ACSL3: variants seen among roughly 807,000 people sequenced by gnomAD.
ACSL3 encodes fatty acid CoA ligase Acsl3.
In ACSL3, 34 loss-of-function variants were observed where a neutral mutation model predicts 84.7. The observed-to-expected ratio is 0.40, with a 90% CI of 0.31 to 0.53. The LOEUF (loss-of-function observed/expected upper bound fraction) is 0.53, where lower values mean the gene tolerates loss of function less well. Among genes scored for constraint, ACSL3 ranks in the 20% least tolerant of loss-of-function variants. The pLI is 0.48. For missense variants in ACSL3, 680 were observed against 873.1 expected (o/e 0.78, Z 2.79); for synonymous variants, 315 against 299.4 (o/e 1.05, Z -0.54).
In ACSL3 at chr2:222,938,483, T is replaced by G. The variant is rs1186939018; in HGVS notation, c.2006-3014T>G. On this transcript the variant is annotated intron_variant, in intron 16 of 16. Transcript: ENST00000357430. ...TTCAGTATTTTGAATACTACTATTT[T>G]CTAACCTGCCAGTTTTCTGCTGATA... 2.0e-5 allele frequency among the ~76,000 whole-genome samples: 3 copies of G among 152,324 alleles called. No homozygotes were observed. In the East Asian group the frequency reaches 5.8e-4, roughly 29 times the overall value.
intron 3 of ACSL3, among the ~76,000 whole-genome samples, chr2:222,905,750 G>T (rs1250032950): frequency 6.6e-6 from 1 of 152,188 alleles, no homozygotes; most frequent in Non-Finnish European, 1.5e-5. Flanking sequence ...CAGAGCCTGA[G>T]GCTCAGTTGG....
chr2:222,891,829 A>C (rs1695851351), intron 2 of ACSL3, among the ~76,000 whole-genome samples: 1 of 152,216 alleles, frequency 6.6e-6, no homozygotes, highest in African/African-American at 2.4e-5. Context: ...TTCTGAGGTT[A>C]AAATAAATAT....
chr2:222,875,844 A>T (rs1037931471), intron 1 of ACSL3, among the ~76,000 whole-genome samples: 1 of 151,946 alleles, frequency 6.6e-6, no homozygotes, highest in Non-Finnish European at 1.5e-5. Flanking sequence ...TTTTTTGATG[A>T]TGTTTCTTTT....
intron 1 of ACSL3, among the ~76,000 whole-genome samples, chr2:222,864,236 G>A (rs578186691): frequency 1.3e-5 from 2 of 152,308 alleles, no homozygotes; most frequent in African/African-American, 4.8e-5. Context: ...CTTTAGTTTT[G>A]GAAGTGTTCA....
chr2:222,921,343 C>T lies in ACSL3; in HGVS notation c.869C>T (p.Ser290Phe). The change falls in exon 8 of 17, where the codon TCC (serine) becomes TTC (phenylalanine). Residue 290 changes from serine (S) to phenylalanine (F), a missense_variant. By Grantham distance (155) the Ser-to-Phe change is radical (BLOSUM62 -2). Around this residue, in one of 2 missense-constraint regions of ACSL3, gnomAD observed 347 missense variants for 525.7 expected, o/e 0.66. Coordinates refer to ENST00000357430, the MANE Select transcript of ACSL3 (RefSeq NM_004457.5). ...DIAVIMYTSGSTGLPKGVMIS... is the reference protein window; with the variant it reads ...DIAVIMYTSGFTGLPKGVMIS... Reference sequence around the variant, plus strand: ...GCAGTAATCATGTACACAAGTGGATCCACAGGACTTCCAAAGGGAGTCATG... The same window carrying T: ...GCAGTAATCATGTACACAAGTGGATTCACAGGACTTCCAAAGGGAGTCATG... 6.2e-7 allele frequency: 1 copy of T among 1,604,276 alleles called. No individual in the cohort carries two copies. Among genetic ancestry groups the T allele is most frequent in the Non-Finnish European group, 8.5e-7 (1 of 1,171,862 alleles).
Position 222,927,134 on chromosome 2 carries a change from T to C in ACSL3, c.1410T>C (p.Pro470=), listed in dbSNP as rs1696903447. ...TCATGAACATCTGTTTCTGCTGTCCTGTTGGTCAGGGATACGGGCTCACTG... is the reference window on the plus strand; with the variant it reads ...TCATGAACATCTGTTTCTGCTGTCCCGTTGGTCAGGGATACGGGCTCACTG... ...QRFMNICFCC[P]VGQGYGLTES... is the part of the protein sequence containing the mutation. Residue 470 remains proline, a synonymous_variant, in exon 12 of 17, where the codon CCT becomes CCC. Coordinates refer to ENST00000357430, the MANE Select transcript of ACSL3 (RefSeq NM_004457.5). 6.2e-7 allele frequency: 1 copy of C among 1,614,042 alleles called. No individual in the cohort carries two copies. The highest frequency in any genetic ancestry group is 1.7e-5 in the Admixed American group (1 of 60,008).
At chr2:222,923,544 G>T (rs1191172822) in intron 10 of ACSL3, among the ~76,000 whole-genome samples, 1 of 152,204 alleles carries the variant, frequency 6.6e-6, no homozygotes, top group African/African-American at 2.4e-5. Flanking sequence ...GGGAAAGTCT[G>T]GCCTAAACAC....
intron 16 of ACSL3, among the ~76,000 whole-genome samples, chr2:222,936,840 G>T (rs888304952): frequency 2.0e-5 from 3 of 151,998 alleles, no homozygotes; most frequent in Non-Finnish European, 2.9e-5. Flanking sequence ...TTACATGGCG[G>T]CAGGCGAGAG....
chr2:222,909,066 A>T lies in ACSL3; in HGVS notation c.294A>T (p.Lys98Asn). The T allele has an allele frequency of 1.2e-6, 2 of 1,612,196 alleles. No homozygotes were observed. The highest frequency in any genetic ancestry group is 1.7e-6 in the Non-Finnish European group (2 of 1,179,472). ...LDKVFTYAKN[K>N]FKNKRLLGTR... ...AAGTTTTTACATATGCAAAAAACAA[A>T]TTTAAGAACAAAAGACTCTTGGGAA... The change falls in exon 4 of 17, where the codon AAA (lysine) becomes AAT (asparagine). Residue 98 changes from lysine (K) to asparagine (N), a missense_variant. By Grantham distance (94) the Lys-to-Asn change is moderately conservative. Transcript: ENST00000357430.
Position 222,908,848 on chromosome 2 carries a change from A to G in ACSL3, c.76A>G (p.Ile26Val). 1.2e-6 allele frequency: 2 copies of G among 1,604,832 alleles called. No homozygotes were observed. The highest frequency in any genetic ancestry group is 1.7e-6 in the Non-Finnish European group (2 of 1,174,152). ...CATCAACCCTATTCTTTTATATTTT[A>G]TACATTTTCTAATATCACTTTATAC... is the stretch of plus-strand genomic sequence containing the variant. ...HTINPILLYF[I>V]HFLISLYTIL... Residue 26 changes from isoleucine (I) to valine (V), a missense_variant, in exon 4 of 17, where the codon ATA becomes GTA. By Grantham distance (29) the Ile-to-Val change is conservative. This residue lies in a region of ACSL3 where 333 missense variants were observed against 347.5 expected (regional missense o/e 0.96). Transcript: ENST00000357430.
At chr2:222,933,304 C>G in intron 15 of ACSL3, 24 bp downstream of exon 15, 1 of 1,514,396 alleles carries the variant, frequency 6.6e-7, no homozygotes, top group Non-Finnish European at 9.1e-7. Flanking sequence ...ATTCATACTA[C>G]TTTTACTTAA....
At chr2:222,914,944 C>A (rs1279883819) in intron 4 of ACSL3, among the ~76,000 whole-genome samples, 1 of 152,214 alleles carries the variant, frequency 6.6e-6, no homozygotes, top group Non-Finnish European at 1.5e-5. Flanking sequence ...ATCTTACGCT[C>A]ATTTGATTCC....
Position 222,922,784 on chromosome 2 carries a change from C to A in ACSL3, c.1033C>A (p.His345Asn), listed in dbSNP as rs1696774813. ...AAGTGCTGAGCTTGTCTGTCTTTCT[C>A]ACGGATGCCGCATTGGTTACTCTTC... ...ELSAELVCLSHGCRIGYSSPQ... is the reference protein window; with the variant it reads ...ELSAELVCLSNGCRIGYSSPQ... Residue 345 changes from histidine to asparagine, a missense_variant, in exon 9 of 17, where the codon CAC becomes AAC. By Grantham distance (68) the His-to-Asn change is moderately conservative (BLOSUM62 1). Coordinates refer to ENST00000357430, the MANE Select transcript of ACSL3 (RefSeq NM_004457.5). 1 of 1,614,200 alleles carries A rather than the reference C, an allele frequency of 6.2e-7. No homozygotes were observed. Among genetic ancestry groups the A allele is most frequent in the South Asian group, 1.1e-5 (1 of 91,084 alleles).
At chr2:222,912,594 C>G (rs1161651969) in intron 4 of ACSL3, among the ~76,000 whole-genome samples, 1 of 152,164 alleles carries the variant, frequency 6.6e-6, no homozygotes. Context: ...AATGTTGTAT[C>G]TGATATGGTT....
chr2:222,893,465 G>A lies in ACSL3; in HGVS notation c.-148+5577G>A, dbSNP rs75081996. Among the ~76,000 whole-genome samples, 321 of 152,164 alleles carry A rather than the reference G, an allele frequency of 2.1e-3. 5 individuals are homozygous for A. The East Asian group carries it at 0.056, about 27-fold the overall frequency. The stretch of plus-strand genomic sequence containing the variant: ...CTTTGTTCAGTCCATGAGTTTTGTG[G>A]AGGTTAATTTCACAGGTCTGCCAAT... On this transcript the variant is annotated intron_variant, in intron 2 of 16. Coordinates refer to ENST00000357430, the MANE Select transcript of ACSL3 (RefSeq NM_004457.5).
At chr2:222,911,350 G>T (rs1272911286) in intron 4 of ACSL3, among the ~76,000 whole-genome samples, 1 of 152,150 alleles carries the variant, frequency 6.6e-6, no homozygotes, top group Non-Finnish European at 1.5e-5. Context: ...CGCCCAACCA[G>T]CACAGCTTTT....
intron 1 of ACSL3, among the ~76,000 whole-genome samples, chr2:222,870,851 C>T (rs948022541): frequency 3.3e-5 from 5 of 152,046 alleles, no homozygotes; most frequent in African/African-American, 7.2e-5. Flanking sequence ...TTTTTTATTC[C>T]TTCTTTTTTT....
Position 222,866,189 on chromosome 2 carries a change from T to A in ACSL3, c.-207+4931T>A, listed in dbSNP as rs562512076. Reference sequence around the variant, plus strand: ...GAGACGGAGTCTCGCTCTGTCCCCCTGGCTGGAGTGCAGTGGCATGATCTC... The same window carrying A: ...GAGACGGAGTCTCGCTCTGTCCCCCAGGCTGGAGTGCAGTGGCATGATCTC... On this transcript the variant is annotated intron_variant, in intron 1 of 16. Transcript: ENST00000357430. Among the ~76,000 whole-genome samples the A allele has an allele frequency of 1.8e-3, 275 of 152,186 alleles. 1 individual carries two copies. The highest frequency in any genetic ancestry group is 6.3e-3 in the African/African-American group (263 of 41,524).
intron 4 of ACSL3, among the ~76,000 whole-genome samples, chr2:222,915,458 A>G (rs974761971): frequency 6.6e-6 from 1 of 152,190 alleles, no homozygotes; most frequent in African/African-American, 2.4e-5. Flanking sequence ...TTTGAGATGT[A>G]TATTACTGAC....
Sources: allele counts gnomAD v4.1 joint callset (sites outside exome capture counted in the v4.1 genomes callset), GRCh38; gene constraint gnomAD v4.1.1; regional missense constraint gnomAD v4.1.1; transcripts MANE v1.5; gene names NCBI Gene and HGNC (gene_info 2026-07-23, HGNC 2026-07-21).